G6PC2: variants seen among roughly 807,000 people sequenced by gnomAD.
The protein encoded by G6PC2 is glucose-6-phosphatase 2.
A neutral mutation model predicts 35.4 loss-of-function variants in G6PC2; 41 were observed. That is an observed-to-expected ratio of 1.16 (90% CI 0.90 to 1.50). G6PC2 has a LOEUF of 1.50. Among genes scored for constraint, G6PC2 ranks in the 40% most tolerant of loss-of-function variants. G6PC2 has a pLI of 0.00. For missense variants in G6PC2, 441 were observed against 426.5 expected, an observed-to-expected ratio of 1.03 and a Z score of -0.30; for synonymous variants, 165 against 153.2, an observed-to-expected ratio of 1.08 and a Z score of -0.57.
intron 2 of G6PC2, among the ~76,000 whole-genome samples, chr2:168,903,948 T>A (rs907586060): frequency 1.3e-5 from 2 of 152,126 alleles, no homozygotes; most frequent in African/African-American, 2.4e-5. Context: ...AAGATAGGCA[T>A]AGAAGTAGCT....
chr2:168,907,609 C>G lies in G6PC2; in HGVS notation c.598C>G (p.Gln200Glu). 1 of 1,613,960 alleles carries G rather than the reference C, an allele frequency of 6.2e-7. No individual in the cohort carries two copies. The highest frequency in any genetic ancestry group is 1.3e-5 in the African/African-American group (1 of 75,042). ...GGCCTTTGAACACACTCCAGGCATC[C>G]AAACGGCCAGTCTGGGCACATACCT... ...AEAFEHTPGIQTASLGTYLKT... is the reference protein window; with the variant it reads ...AEAFEHTPGIETASLGTYLKT... The change falls in exon 5 of 5, where the codon CAA becomes GAA. Residue 200 changes from glutamine (Q) to glutamate (E), a missense_variant. By Grantham distance (29) the Gln-to-Glu change is conservative (BLOSUM62 2). Transcript: ENST00000375363.
chr2:168,906,365 T>C (rs1339176466), intron 3 of G6PC2, among the ~76,000 whole-genome samples: 4 of 152,222 alleles, frequency 2.6e-5, no homozygotes, highest in Non-Finnish European at 5.9e-5. Flanking sequence ...CCTACTCCAT[T>C]AAAACAGTTA....
At chr2:168,903,649 C>T (rs1690649145) in intron 2 of G6PC2, among the ~76,000 whole-genome samples, 1 of 152,030 alleles carries the variant, frequency 6.6e-6, no homozygotes, top group African/African-American at 2.4e-5. Context: ...GACTGCATCT[C>T]TCGGGGAGAT....
At position 168,907,976 on chromosome 2, in the gene G6PC2, T is replaced by G. The variant is rs1313721840; in HGVS notation, c.965T>G (p.Val322Gly). The G allele has an allele frequency of 3.7e-6, 6 of 1,613,850 alleles. No homozygotes were observed. The highest frequency in any genetic ancestry group is 4.2e-6 in the Non-Finnish European group (5 of 1,179,802). The change falls in exon 5 of 5, where the codon GTG becomes GGG. Residue 322 changes from valine (V) to glycine (G), a missense_variant. Coordinates refer to ENST00000375363, the MANE Select transcript of G6PC2 (RefSeq NM_021176.3). ...ACTCACGAAGAGCATTTATTTTATGTGCTGTCTTTTTGTAAAAGTGCATCC... is the reference window on the plus strand; with the variant it reads ...ACTCACGAAGAGCATTTATTTTATGGGCTGTCTTTTTGTAAAAGTGCATCC... The part of the protein sequence containing the change: ...IPTHEEHLFY[V>G]LSFCKSASIP...
intron 2 of G6PC2, among the ~76,000 whole-genome samples, chr2:168,903,270 G>A (rs771416617): frequency 6.6e-5 from 10 of 152,088 alleles, no homozygotes; most frequent in Admixed American, 4.6e-4. Flanking sequence ...TAACATTCTC[G>A]CCAGTTGACA....
At chr2:168,905,051 G>A (rs574109463) in intron 3 of G6PC2, among the ~76,000 whole-genome samples, 3 of 152,202 alleles carry the variant, frequency 2.0e-5, no homozygotes, top group African/African-American at 4.8e-5. Context: ...TTCCTTCTTC[G>A]AATAGCCAAT....
chr2:168,903,383 C>T (rs1440841274), intron 2 of G6PC2, among the ~76,000 whole-genome samples: 1 of 152,138 alleles, frequency 6.6e-6, no homozygotes, highest in Non-Finnish European at 1.5e-5. Flanking sequence ...ATACATACAT[C>T]TGTTATATCG....
In G6PC2 at chr2:168,909,225, G is replaced by C. The variant is rs1208105721; in HGVS notation, c.*1146G>C. Reference sequence around the variant, plus strand: ...CAGATGTATATACACACGGGTCCAGGGACAACAGAACAGGCCAGGCTACAG... The same window carrying C: ...CAGATGTATATACACACGGGTCCAGCGACAACAGAACAGGCCAGGCTACAG... On this transcript the variant is annotated 3_prime_UTR_variant, in exon 5 of 5. Transcript: ENST00000375363. 6.6e-6 allele frequency: 1 copy of C among 152,094 alleles called. No individual in the cohort carries two copies. Among genetic ancestry groups the C allele is most frequent in the Admixed American group, 6.6e-5 (1 of 15,266 alleles). The allele number at this position is 152,094 out of a possible 1,614,324, so 9.4% of individuals were successfully genotyped here. A position where few individuals can be genotyped will look rare whatever the true frequency, so the allele number is the denominator to read the frequency against.
intron 3 of G6PC2, 103 bp from the exon 4 acceptor site, chr2:168,906,561 G>A (rs1690716404): frequency 1.3e-6 from 1 of 754,636 alleles, no homozygotes; most frequent in South Asian, 1.4e-5. Context: ...CTATGTCACA[G>A]TTAGAAGATT....
chr2:168,907,778 TTGCTGGACTC>T lies in G6PC2; in HGVS notation c.768_777del (p.Phe256LeufsTer2). ...TGGATCCACATTGACACCACGCCTTTTGCTGGACTCGTGAGAAACCTTGGGGTCCTCTTTG... is the reference window on the plus strand; with the variant it reads ...TGGATCCACATTGACACCACGCCTTTGTGAGAAACCTTGGGGTCCTCTTTG... On this transcript the variant is annotated frameshift_variant, in exon 5 of 5. Transcript: ENST00000375363. LOFTEE classifies it high-confidence loss of function. 1 of 1,614,142 alleles carries T rather than the reference TTGCTGGACTC, an allele frequency of 6.2e-7. No individual in the cohort carries two copies. Among genetic ancestry groups the T allele is most frequent in the Non-Finnish European group, 8.5e-7 (1 of 1,180,030 alleles).
In G6PC2 at chr2:168,901,486, C is replaced by G; in HGVS notation, c.155C>G (p.Thr52Arg). 6.3e-7 allele frequency: 1 copy of G among 1,598,170 alleles called. No homozygotes were observed. Among genetic ancestry groups the G allele is most frequent in the Non-Finnish European group, 8.6e-7 (1 of 1,165,632 alleles). ...CCACTTTGTTTTCAATTTAATCAGA[C>G]AGTTGGAACCAAGATGATATGGGTA... is the stretch of plus-strand genomic sequence containing the variant. ...YFPLCFQFNQ[T>R]VGTKMIWVAV... The change falls in exon 1 of 5, where the codon ACA becomes AGA. Residue 52 changes from threonine (T) to arginine (R), a missense_variant. By Grantham distance (71) the Thr-to-Arg change is moderately conservative. Coordinates refer to ENST00000375363, the MANE Select transcript of G6PC2 (RefSeq NM_021176.3).
rs137857125 is a variant in G6PC2, at chr2:168,907,949, C to T, written c.938C>T (p.Pro313Leu). 34 of 1,613,986 alleles carry T rather than the reference C, an allele frequency of 2.1e-5. No homozygotes were observed. The highest frequency in any genetic ancestry group is 1.7e-4 in the African/African-American group (13 of 74,920). Residue 313 changes from proline (P) to leucine (L), a missense_variant, in exon 5 of 5, where the codon CCG becomes CTG. By Grantham distance (98) the Pro-to-Leu change is moderately conservative (BLOSUM62 -3). Transcript: ENST00000375363. The part of the protein sequence containing the change: ...ILQLYHFLQI[P>L]THEEHLFYVL... ...CAGCTCTACCATTTCCTCCAGATCC[C>T]GACTCACGAAGAGCATTTATTTTAT...
chr2:168,904,652 T>A (rs753887717), intron 3 of G6PC2, 36 bp downstream of exon 3: 5 of 1,081,556 alleles, frequency 4.6e-6, no homozygotes, highest in South Asian at 3.7e-5. Context: ...CACTGGAATA[T>A]GACAGTTTTT....
At chr2:168,905,741 T>C (rs1325340533) in intron 3 of G6PC2, among the ~76,000 whole-genome samples, 1 of 152,186 alleles carries the variant, frequency 6.6e-6, no homozygotes, top group Non-Finnish European at 1.5e-5. Context: ...TGCAGTATTT[T>C]CTTCATCTAT....
chr2:168,901,744 T>G (rs78622983), intron 1 of G6PC2, among the ~76,000 whole-genome samples, 195 bp downstream of exon 1: 58 of 151,778 alleles, frequency 3.8e-4, no homozygotes, highest in African/African-American at 1.1e-3. Flanking sequence ...TTTGTTTTTT[T>G]TTTTTTTTTG....
rs1212843475 is a variant in G6PC2 at position 168,904,621 on chromosome 2, G to T, written c.440+5G>T. 1 of 1,462,956 alleles carries T rather than the reference G, an allele frequency of 6.8e-7. No individual in the cohort carries two copies. The highest frequency in any genetic ancestry group is 2.3e-5 in the East Asian group (1 of 44,224). The allele number at this position is 1,462,956 out of a possible 1,614,324, so 90.6% of individuals were successfully genotyped here. A position where few individuals can be genotyped will look rare whatever the true frequency, so the allele number is the denominator to read the frequency against. ...GTTCTCTATCACTCTGCACAGGTCA[G>T]CTTTGCTGCAGTTTCTGTAGCACTG... On this transcript the variant is annotated splice_donor_5th_base_variant and intron_variant, in intron 3 of 4. Transcript: ENST00000375363.
chr2:168,903,513 A>G (rs1049475936), intron 2 of G6PC2, among the ~76,000 whole-genome samples: 1 of 152,200 alleles, frequency 6.6e-6, no homozygotes, highest in Non-Finnish European at 1.5e-5. Context: ...TGATAAATGG[A>G]TGAATGGTTG....
chr2:168,906,712 T>G lies in G6PC2; in HGVS notation c.489T>G (p.Ser163Arg). 1 of 1,607,888 alleles carries G rather than the reference T, an allele frequency of 6.2e-7. No homozygotes were observed. Among genetic ancestry groups the G allele is most frequent in the South Asian group, 1.1e-5 (1 of 90,986 alleles). ...LWSVFWLIQI[S>R]VCISRVFIAT... Reference sequence around the variant, plus strand: ...GTGTTTTTTGGTTGATTCAAATCAGTGTCTGCATCTCCAGAGTATTCATAG... The same window carrying G: ...GTGTTTTTTGGTTGATTCAAATCAGGGTCTGCATCTCCAGAGTATTCATAG... The change falls in exon 4 of 5, where the codon AGT becomes AGG. Residue 163 changes from serine (S) to arginine (R), a missense_variant. By Grantham distance (110) the Ser-to-Arg change is moderately radical. Coordinates refer to ENST00000375363, the MANE Select transcript of G6PC2 (RefSeq NM_021176.3).
chr2:168,905,294 A>G (rs1332388236), intron 3 of G6PC2, among the ~76,000 whole-genome samples: 1 of 152,176 alleles, frequency 6.6e-6, no homozygotes, highest in African/African-American at 2.4e-5. Context: ...CTGAGTACCA[A>G]TTTAGCCATA....
Sources: gnomAD v4.1 joint callset for allele counts (sites outside exome capture counted in the v4.1 genomes callset) on GRCh38, gnomAD v4.1.1 for gene constraint, MANE v1.5 for transcripts, NCBI Gene and HGNC (gene_info 2026-07-23, HGNC 2026-07-21) for gene names.